GAP43: variants seen among roughly 807,000 people sequenced by gnomAD.
The protein encoded by GAP43 is neuromodulin.
GAP43 carries 6 observed loss-of-function variants against 18.6 expected under a neutral mutation model. The observed-to-expected ratio is 0.32, with a 90% CI of 0.18 to 0.64. The LOEUF (loss-of-function observed/expected upper bound fraction) is 0.64, where lower values mean the gene tolerates loss of function less well. GAP43 is among the 30% of genes least tolerant of loss of function. GAP43 has a pLI of 0.78. For missense variants in GAP43, 292 were observed against 295.5 expected, an observed-to-expected ratio of 0.99 and a Z score of 0.09; for synonymous variants, 115 against 111.4, an observed-to-expected ratio of 1.03 and a Z score of -0.20.
chr3:115,637,639 CCCATAAGT>C (rs1317273451), intron 1 of GAP43, among the ~76,000 whole-genome samples: 81 of 152,126 alleles, frequency 5.3e-4, no homozygotes, highest in African/African-American at 1.9e-3. Context: ...CTAATTTGTG[CCCATAAGT>C]CTCACTTGGA....
intron 1 of GAP43, among the ~76,000 whole-genome samples, chr3:115,625,109 C>T (rs1005769960): frequency 6.6e-6 from 1 of 151,756 alleles, no homozygotes; most frequent in African/African-American, 2.4e-5. Context: ...AGCCAGCGCC[C>T]TGGAAGGAAG....
In GAP43 at chr3:115,698,050, T is replaced by TAATATATAA. The variant is rs1399746809; in HGVS notation, c.628+21440_628+21441insAATATATAA. ...ATGTATATAAAATATATATTATATATTATATAAAATATATATTATATATAA... is the reference window on the plus strand; with the variant it reads ...ATGTATATAAAATATATATTATATATAATATATAATATATAAAATATATATTATATATAA... On this transcript the variant is annotated intron_variant, in intron 2 of 2. Transcript: ENST00000305124. Among the ~76,000 whole-genome samples, 157 of 75,256 alleles carry TAATATATAA rather than the reference T, an allele frequency of 2.1e-3. 5 individuals are homozygous for TAATATATAA. Among genetic ancestry groups the TAATATATAA allele is most frequent in the African/African-American group, 0.011 (152 of 14,398 alleles). 49.4% of individuals were successfully genotyped at this position (75,256 alleles called of 152,430 possible).
chr3:115,659,910 C>G lies in GAP43; in HGVS notation c.31-16103C>G, dbSNP rs771393354. Among the ~76,000 whole-genome samples the G allele has an allele frequency of 4.1e-4, 62 of 152,176 alleles. 1 individual carries two copies. The highest frequency in any genetic ancestry group is 1.5e-3 in the African/African-American group (62 of 41,440). ...ATTTATTTTTAGCAGCCCCCTCCCC[C>G]GCAACTAGGACAGTGAGTTCCATTC... On this transcript the variant is annotated intron_variant, in intron 1 of 2. Coordinates refer to ENST00000305124, the MANE Select transcript of GAP43 (RefSeq NM_002045.4).
At chr3:115,679,145 A>G (rs1157247900) in intron 2 of GAP43, among the ~76,000 whole-genome samples, 1 of 152,046 alleles carries the variant, frequency 6.6e-6, no homozygotes, top group East Asian at 1.9e-4. Context: ...TTAGGATTCT[A>G]CAGCTGCCTG....
intron 2 of GAP43, among the ~76,000 whole-genome samples, chr3:115,695,727 C>T (rs1709179510): frequency 6.6e-6 from 1 of 152,026 alleles, no homozygotes; most frequent in African/African-American, 2.4e-5. Context: ...CATCTACCTC[C>T]TACCCACTCC....
chr3:115,658,627 AG>A (rs1462376968), intron 1 of GAP43: 2 of 152,078 alleles, frequency 1.3e-5, no homozygotes, highest in African/African-American at 4.8e-5. Flanking sequence ...CTGCACGGAG[AG>A]CCCCCCAGAG....
In GAP43 at chr3:115,704,382, C is replaced by A. The variant is rs283393; in HGVS notation, c.629-16412C>A. 1.1e-4 allele frequency among the ~76,000 whole-genome samples: 17 copies of A among 151,678 alleles called. 1 individual carries two copies. The highest frequency in any genetic ancestry group is 6.6e-4 in the Admixed American group (10 of 15,200). ...CTCCAGTAACTCTTATGCCATTTTG[C>A]CTATGAAGCCTACCATAATCAAATG... On this transcript the variant is annotated intron_variant, in intron 2 of 2. Transcript: ENST00000305124.
At chr3:115,660,538 G>A (rs1206906342) in intron 1 of GAP43, among the ~76,000 whole-genome samples, 1 of 152,218 alleles carries the variant, frequency 6.6e-6, no homozygotes, top group Admixed American at 6.5e-5. Context: ...GTTGGGATAT[G>A]TCAGGCCTGG....
At chr3:115,698,153 T>TTAA (rs1424572616) in intron 2 of GAP43, among the ~76,000 whole-genome samples, 26 of 57,566 alleles carry the variant, frequency 4.5e-4, no homozygotes, top group East Asian at 6.8e-4. Flanking sequence ...ATATATTATA[T>TTAA]ATAATATATA....
intron 2 of GAP43, among the ~76,000 whole-genome samples, chr3:115,690,167 T>C (rs1319126305): frequency 1.3e-5 from 2 of 152,186 alleles, no homozygotes; most frequent in Admixed American, 1.3e-4. Flanking sequence ...GGATTTTCTG[T>C]CTTTGAGCAG....
intron 2 of GAP43, among the ~76,000 whole-genome samples, chr3:115,687,631 T>C (rs3772928): frequency 0.55 from 83,324 of 151,994 alleles, 23,204 homozygotes; most frequent in Middle Eastern, 0.63. Context: ...TTTCTGGGAA[T>C]TGCGGTTGTT....
chr3:115,641,006 C>T, intron 1 of GAP43, among the ~76,000 whole-genome samples: 2 of 135,814 alleles, frequency 1.5e-5, no homozygotes, highest in African/African-American at 2.7e-5. Flanking sequence ...TTCTCTTTCT[C>T]TCTTTCTTGC....
intron 2 of GAP43, among the ~76,000 whole-genome samples, chr3:115,718,318 T>C (rs1437139354): frequency 6.6e-6 from 1 of 152,166 alleles, no homozygotes; most frequent in Non-Finnish European, 1.5e-5. Flanking sequence ...ATCCAAAGGT[T>C]TGAGCAGGGT....
intron 1 of GAP43, among the ~76,000 whole-genome samples, chr3:115,641,763 GA>G (rs1416095019): frequency 1.3e-5 from 2 of 152,002 alleles, no homozygotes; most frequent in African/African-American, 2.4e-5. Flanking sequence ...GAGAGCTTAG[GA>G]ATTATCTAGT....
chr3:115,663,508 CT>C (rs1708693206), intron 1 of GAP43: 2 of 1,198,238 alleles, frequency 1.7e-6, no homozygotes, highest in South Asian at 2.9e-5. Flanking sequence ...ATATTTTTCT[CT>C]TTTGCTTTCA....
intron 2 of GAP43, among the ~76,000 whole-genome samples, chr3:115,684,497 C>T (rs1245090577): frequency 6.6e-6 from 1 of 152,166 alleles, no homozygotes; most frequent in Non-Finnish European, 1.5e-5. Flanking sequence ...TATGTATACA[C>T]ACACATTCAA....
chr3:115,663,171 G>A (rs545923041), intron 1 of GAP43, among the ~76,000 whole-genome samples: 1 of 152,264 alleles, frequency 6.6e-6, no homozygotes, highest in African/African-American at 2.4e-5. Flanking sequence ...TCGATTCAGA[G>A]CAATTTGTAC....
intron 1 of GAP43, among the ~76,000 whole-genome samples, chr3:115,667,175 AGC>A (rs1708744355): frequency 6.6e-6 from 1 of 152,158 alleles, no homozygotes; most frequent in Non-Finnish European, 1.5e-5. Context: ...TAGCCACTGA[AGC>A]TTAGAAGATT....
chr3:115,666,568 G>T (rs1203601387), intron 1 of GAP43, among the ~76,000 whole-genome samples: 2 of 152,132 alleles, frequency 1.3e-5, no homozygotes, highest in African/African-American at 2.4e-5. Context: ...AAGTGTCAGG[G>T]ACTGTGCTGG....
Sources: gnomAD v4.1 joint callset for allele counts (sites outside exome capture counted in the v4.1 genomes callset) on GRCh38, gnomAD v4.1.1 for gene constraint, MANE v1.5 for transcripts, NCBI Gene and HGNC (gene_info 2026-07-23, HGNC 2026-07-21) for gene names.